Variants in ARSG observed in about 807,000 individuals in gnomAD.
ARSG encodes arylsulfatase G.
A neutral mutation model predicts 50.5 loss-of-function variants in ARSG; 37 were observed. The observed-to-expected ratio is 0.73, with a 90% CI of 0.56 to 0.96. The LOEUF is 0.96. Ranked by LOEUF, ARSG falls within the 50% of genes least tolerant of loss-of-function variation. The probability of loss-of-function intolerance (pLI) is 0.00; values close to 1 mark genes in which losing one functional copy is unlikely to be tolerated. For synonymous variants in ARSG, 225 were observed against 254.6 expected (o/e 0.88, Z 1.11); for missense variants, 629 against 675.3 (o/e 0.93, Z 0.76).
At chr17:68,349,850 C>A (rs907108442) in intron 4 of ARSG, among the ~76,000 whole-genome samples, 4 of 152,120 alleles carry the variant, frequency 2.6e-5, no homozygotes, top group Non-Finnish European at 4.4e-5. Flanking sequence ...CCACTGCACT[C>A]CAGCCTGGGA....
At chr17:68,358,786 G>A (rs1297340227) in intron 6 of ARSG, among the ~76,000 whole-genome samples, 1 of 152,150 alleles carries the variant, frequency 6.6e-6, no homozygotes, top group African/African-American at 2.4e-5. Flanking sequence ...AGAATCACTT[G>A]AGTCCAGGAG....
Position 68,378,749 on chromosome 17 carries a change from T to C in ARSG, c.983-6315T>C, listed in dbSNP as rs2080279745. 6.6e-6 allele frequency among the ~76,000 whole-genome samples: 1 copy of C among 152,198 alleles called. No individual in the cohort carries two copies. The highest frequency in any genetic ancestry group is 1.9e-4 in the East Asian group (1 of 5,186). On this transcript the variant is annotated intron_variant, in intron 8 of 11. Coordinates refer to ENST00000621439, the MANE Select transcript of ARSG (RefSeq NM_001267727.2). This position sits in a 1 kb window ranked among gnomAD's most constrained non-coding sequence, Gnocchi z 4.4. ...CTGTCTGGAAAATCTTTTCTCGTTT[T>C]ATTTGAAGAGCAGAACTGTTCCTTC...
intron 8 of ARSG, among the ~76,000 whole-genome samples, chr17:68,379,343 C>A (rs2080310097): frequency 6.6e-6 from 1 of 151,154 alleles, no homozygotes; most frequent in South Asian, 2.1e-4. Flanking sequence ...GGGGCTCAAG[C>A]AATCCTCCTG....
Position 68,260,889 on chromosome 17 carries a change from A to G in ARSG, c.-552+1463A>G, listed in dbSNP as rs533957556. Among the ~76,000 whole-genome samples the G allele has an allele frequency of 1.3e-4, 20 of 152,360 alleles. No individual in the cohort carries two copies. The South Asian group carries it at 4.1e-3, about 32-fold the overall frequency. ...AGTCTACTGGAAAATAGTTGAAACA[A>G]AATCTATTGAGGCAGTATGTTAAAA... On this transcript the variant is annotated intron_variant, in intron 1 of 11. Coordinates refer to the ARSG transcript ENST00000448504.
At chr17:68,287,152 T>A (rs112350824), upstream of ARSG, among the ~76,000 whole-genome samples, 2,340 of 152,108 alleles carry the variant, frequency 0.015, 57 homozygotes, top group African/African-American at 0.053. Context: ...CCCGGCTAAT[T>A]TTGTTTTAGT....
chr17:68,302,524 C>G (rs2076457636), intron 1 of ARSG, among the ~76,000 whole-genome samples: 1 of 152,202 alleles, frequency 6.6e-6, no homozygotes, highest in Non-Finnish European at 1.5e-5. Context: ...TTTTCAGACA[C>G]TGCTCAGCAG....
chr17:68,425,847 T>C (rs2083133139), downstream of ARSG: 1 of 467,424 alleles, frequency 2.1e-6, no homozygotes, highest in African/African-American at 2.0e-5. Context: ...TGGATTAGTA[T>C]TCGGTGACTC....
chr17:68,318,425 C>T (rs782483958), intron 2 of ARSG, among the ~76,000 whole-genome samples: 3 of 152,180 alleles, frequency 2.0e-5, no homozygotes, highest in Non-Finnish European at 2.9e-5. Context: ...GCATATGACT[C>T]CTGGCTGGGT....
At chr17:68,436,521 GGA>G in the ARSG span, 633 of 1,585,852 alleles carry the variant, frequency 4.0e-4, 4 homozygotes, top group East Asian at 0.011. Context: ...TGGGGCCAAG[GGA>G]GAGATTGCAC....
chr17:68,290,990 C>G (rs2075965893), upstream of ARSG: 1 of 152,040 alleles, frequency 6.6e-6, no homozygotes, highest in African/African-American at 2.4e-5. Flanking sequence ...TCCTCCGCCT[C>G]CCATCACAAA....
chr17:68,433,252 G>A, the ARSG span, among the ~76,000 whole-genome samples: 6 of 152,234 alleles, frequency 3.9e-5, no homozygotes, highest in Non-Finnish European at 8.8e-5. Flanking sequence ...AAGAGGCAGA[G>A]CCAGGACGTG....
At chr17:68,392,006 C>G (rs908582670) in intron 9 of ARSG, among the ~76,000 whole-genome samples, 1 of 152,218 alleles carries the variant, frequency 6.6e-6, no homozygotes, top group Non-Finnish European at 1.5e-5. Context: ...CTTTCTGCAG[C>G]CCCCTTAGAG....
At chr17:68,350,770 G>T (rs1321466256) in intron 4 of ARSG, among the ~76,000 whole-genome samples, 1 of 151,188 alleles carries the variant, frequency 6.6e-6, no homozygotes, top group Admixed American at 6.6e-5. Flanking sequence ...GGGTGACAGA[G>T]CGAGACTCCG....
At chr17:68,273,001 C>A (rs1428932465) in intron 1 of ARSG, among the ~76,000 whole-genome samples, 1 of 146,866 alleles carries the variant, frequency 6.8e-6, no homozygotes, top group African/African-American at 2.5e-5. Context: ...TTTTTTTTAT[C>A]TTTGCAACAC....
chr17:68,277,157 A>G (rs1341069430), intron 1 of ARSG, among the ~76,000 whole-genome samples: 1 of 151,866 alleles, frequency 6.6e-6, no homozygotes, highest in Non-Finnish European at 1.5e-5. Context: ...TTTGAGATGG[A>G]GTCTCACACT....
intron 9 of ARSG, among the ~76,000 whole-genome samples, chr17:68,392,932 A>G (rs1358201578): frequency 1.3e-5 from 2 of 152,348 alleles, no homozygotes; most frequent in African/African-American, 2.4e-5. Flanking sequence ...GGCAGTGAAT[A>G]TTCTCTTGTG....
chr17:68,426,087 A>G (rs373469530), downstream of ARSG: 3 of 1,612,694 alleles, frequency 1.9e-6, no homozygotes, highest in African/African-American at 4.0e-5. Context: ...GAGGAAACTC[A>G]TTCTCATCAT....
chr17:68,272,637 A>G (rs782738900), intron 1 of ARSG: 2 of 1,613,784 alleles, frequency 1.2e-6, no homozygotes, highest in South Asian at 1.1e-5. Context: ...TAGTCCACCT[A>G]CCTGGTGCGA....
At chr17:68,334,661 G>A (rs2077932837) in intron 2 of ARSG, among the ~76,000 whole-genome samples, 1 of 152,056 alleles carries the variant, frequency 6.6e-6, no homozygotes, top group Admixed American at 6.6e-5. Context: ...TGGTCAGGCT[G>A]GGAGGTCTGA....
Sources: gnomAD v4.1 joint callset for allele counts (sites outside exome capture counted in the v4.1 genomes callset) on GRCh38, gnomAD v4.1.1 for gene constraint, Gnocchi (gnomAD v3.1) non-coding constraint, MANE v1.5 for transcripts, NCBI Gene and HGNC (gene_info 2026-07-23, HGNC 2026-07-21) for gene names.